GAS7: variants seen among roughly 807,000 people sequenced by gnomAD.
GAS7 encodes growth arrest specific 7.
A neutral mutation model predicts 71.1 loss-of-function variants in GAS7; 28 were observed. The observed-to-expected ratio is 0.39, with a 90% CI of 0.29 to 0.54. The LOEUF is 0.54. Ranked by LOEUF, GAS7 falls within the 20% of genes least tolerant of loss-of-function variation. GAS7 has a pLI of 0.62. For synonymous variants in GAS7, 258 were observed against 245.8 expected, an observed-to-expected ratio of 1.05 and a Z score of -0.46; for missense variants, 436 against 627.8, an observed-to-expected ratio of 0.69 and a Z score of 3.27.
intron 1 of GAS7, among the ~76,000 whole-genome samples, chr17:10,048,131 G>A (rs2073006570): frequency 6.6e-6 from 1 of 152,138 alleles, no homozygotes; most frequent in Non-Finnish European, 1.5e-5. Context: ...GTGAAACCCT[G>A]TCTCTACTAA....
At chr17:10,047,739 T>C (rs80081156) in intron 1 of GAS7, among the ~76,000 whole-genome samples, 15,603 of 152,210 alleles carry the variant, frequency 0.1, 1,892 homozygotes, top group African/African-American at 0.29. Context: ...GTGAGGATTA[T>C]ATAAAAATTG....
chr17:9,915,918 G>C lies in GAS7; in HGVS notation c.*1310C>G, dbSNP rs960586366. 3.4e-5 allele frequency: 8 copies of C among 232,596 alleles called. No homozygotes were observed. In the East Asian group the frequency reaches 4.9e-4, roughly 14 times the overall value. 14.4% of individuals were successfully genotyped at this position (232,596 alleles called of 1,614,324 possible). Reference sequence around the variant, plus strand: ...GCTGGGCCAAACAGCAGCACTGAAAGCTTCCCAAGTCACACTCAGACCAGA... The same window carrying C: ...GCTGGGCCAAACAGCAGCACTGAAACCTTCCCAAGTCACACTCAGACCAGA... On this transcript the variant is annotated 3_prime_UTR_variant, in exon 14 of 14. Coordinates refer to ENST00000432992, the MANE Select transcript of GAS7 (RefSeq NM_201433.2).
chr17:10,084,907 C>T (rs1178218624), intron 1 of GAS7, among the ~76,000 whole-genome samples: 2 of 152,214 alleles, frequency 1.3e-5, no homozygotes, highest in Non-Finnish European at 2.9e-5. Flanking sequence ...GGCTCCTTCA[C>T]AGGGTACAGG....
At position 10,159,549 on chromosome 17, in the gene GAS7, C is replaced by T. The variant is rs569632708; in HGVS notation, c.183+38659G>A. Among the ~76,000 whole-genome samples, 4 of 152,048 alleles carry T rather than the reference C, an allele frequency of 2.6e-5. No individual in the cohort carries two copies. In the South Asian group the frequency reaches 6.2e-4, roughly 24 times the overall value. On this transcript the variant is annotated intron_variant, in intron 1 of 13. Transcript: ENST00000432992. ...GTGAGAAAAGCCAGATGCACCCCCCCCAACCTCCATCACCAAAAAGAATAA... is the reference window on the plus strand; with the variant it reads ...GTGAGAAAAGCCAGATGCACCCCCCTCAACCTCCATCACCAAAAAGAATAA...
rs1382110198 is a variant in GAS7 at position 9,919,850 on chromosome 17, A to G, written c.1139-145T>C. ...AGCTGGAAAAGGGATGGCAGTAGGA[A>G]GAAGAAGAAAGCAGAGCCAGGGAAG... On this transcript the variant is annotated intron_variant, in intron 11 of 13. Coordinates refer to ENST00000432992, the MANE Select transcript of GAS7 (RefSeq NM_201433.2). The surrounding 1 kb of genome is among the most constrained non-coding windows in gnomAD (Gnocchi z 5.0). 15 of 697,484 alleles carry G rather than the reference A, an allele frequency of 2.2e-5. No individual in the cohort carries two copies. The highest frequency in any genetic ancestry group is 2.8e-5 in the Non-Finnish European group (11 of 387,682). The allele number at this position is 697,484 out of a possible 1,614,324, so 43.2% of individuals were successfully genotyped here.
intron 1 of GAS7, among the ~76,000 whole-genome samples, chr17:10,100,894 T>A (rs1357646995): frequency 6.6e-6 from 1 of 152,132 alleles, no homozygotes; most frequent in African/African-American, 2.4e-5. Flanking sequence ...GAGATGGAGA[T>A]TTCTGATGAC....
chr17:10,178,824 G>A (rs11651332), intron 1 of GAS7, among the ~76,000 whole-genome samples: 14,134 of 148,040 alleles, frequency 0.095, 909 homozygotes, highest in East Asian at 0.34. Context: ...GGGCTGTCAC[G>A]GCAGACAGCG....
At chr17:10,017,517 C>T (rs560984709) in intron 2 of GAS7, among the ~76,000 whole-genome samples, 38 of 152,126 alleles carry the variant, frequency 2.5e-4, no homozygotes, top group African/African-American at 6.5e-4. Flanking sequence ...TTAGTAGAGA[C>T]GGGGTTTCAC....
rs138588041 is a variant in GAS7 at position 9,960,062 on chromosome 17, A to G, written c.472-807T>C. 9.9e-5 allele frequency among the ~76,000 whole-genome samples: 15 copies of G among 152,256 alleles called. No homozygotes were observed. The East Asian group carries it at 2.7e-3, about 27-fold the overall frequency. The stretch of plus-strand genomic sequence containing the variant: ...GCAATTATGTTGGGGGCTCAATACC[A>G]GAGATCCCCAAGCAGGACCTGGGAT... On this transcript the variant is annotated intron_variant, in intron 4 of 13. Coordinates refer to ENST00000432992, the MANE Select transcript of GAS7 (RefSeq NM_201433.2).
intron 1 of GAS7, among the ~76,000 whole-genome samples, chr17:10,158,348 A>ACAGAAAAC (rs373784257): frequency 6.8e-6 from 1 of 146,178 alleles, no homozygotes; most frequent in Non-Finnish European, 1.5e-5. Context: ...AAAAAAAAAA[A>ACAGAAAAC]AAAAAAAAAA....
At chr17:10,005,226 T>TGTGCGCGTGC (rs1470233870) in intron 2 of GAS7, among the ~76,000 whole-genome samples, 11 of 97,668 alleles carry the variant, frequency 1.1e-4, no homozygotes, top group Middle Eastern at 4.7e-3. Context: ...CGTGTGCATG[T>TGTGCGCGTGC]ATGTGTATGT....
intron 1 of GAS7, among the ~76,000 whole-genome samples, chr17:10,131,126 G>C (rs1321622149): frequency 3.3e-5 from 5 of 152,166 alleles, no homozygotes; most frequent in Non-Finnish European, 7.3e-5. Flanking sequence ...GACCCCTCCA[G>C]GTTACCCAGA....
chr17:10,157,495 GA>G (rs969320650), intron 1 of GAS7, among the ~76,000 whole-genome samples: 89 of 151,820 alleles, frequency 5.9e-4, no homozygotes, highest in African/African-American at 1.8e-3. Flanking sequence ...ACACTCGTTG[GA>G]AAAAAAAGTT....
intron 1 of GAS7, among the ~76,000 whole-genome samples, chr17:10,077,485 T>C (rs2073407642): frequency 6.6e-6 from 1 of 152,188 alleles, no homozygotes; most frequent in East Asian, 1.9e-4. Flanking sequence ...CAGCAGTTTA[T>C]AATGCAGAAG....
intron 1 of GAS7, among the ~76,000 whole-genome samples, chr17:10,142,012 A>C (rs7220581): frequency 6.6e-6 from 1 of 151,708 alleles, no homozygotes; most frequent in Non-Finnish European, 1.5e-5. Context: ...GCGGATCACG[A>C]GGTCAGGAGA....
At chr17:9,955,844 T>C (rs1049742414) in intron 5 of GAS7, among the ~76,000 whole-genome samples, 1 of 151,898 alleles carries the variant, frequency 6.6e-6, no homozygotes, top group South Asian at 2.1e-4. Flanking sequence ...TCTTCGCTCT[T>C]GCACCAACTC....
At chr17:9,982,824 G>GAAAGAAAGAAAGAAAGAAAGAAAGAAA (rs59205668) in intron 2 of GAS7, among the ~76,000 whole-genome samples, 9 of 116,268 alleles carry the variant, frequency 7.7e-5, no homozygotes, top group African/African-American at 2.0e-4. Context: ...AGGAAAGAAA[G>GAAAGAAAGAAAGAAAGAAAGAAAGAAA]GAAAGAAAGA....
chr17:9,939,650 C>A (rs1484948385), intron 8 of GAS7, among the ~76,000 whole-genome samples: 2 of 151,816 alleles, frequency 1.3e-5, no homozygotes, highest in Non-Finnish European at 2.9e-5. Flanking sequence ...CGCTCTGTCG[C>A]CCAGGCTGGA....
intron 1 of GAS7, among the ~76,000 whole-genome samples, chr17:10,145,555 G>T (rs952044447): frequency 1.3e-5 from 2 of 152,200 alleles, no homozygotes; most frequent in African/African-American, 4.8e-5. Flanking sequence ...CAGCACTCAG[G>T]CCCCCCAGGA....
Sources: gnomAD v4.1 joint callset for allele counts (sites outside exome capture counted in the v4.1 genomes callset) on GRCh38, gnomAD v4.1.1 for gene constraint, Gnocchi (gnomAD v3.1) non-coding constraint, MANE v1.5 for transcripts, NCBI Gene and HGNC (gene_info 2026-07-23, HGNC 2026-07-21) for gene names.